Variants in ANKS6 observed in about 807,000 individuals in gnomAD.
The protein encoded by ANKS6 is ankyrin repeat and SAM domain-containing protein 6.
A neutral mutation model predicts 77.9 loss-of-function variants in ANKS6; 47 were observed. That is an observed-to-expected ratio of 0.60 (90% CI 0.48 to 0.77). The LOEUF (loss-of-function observed/expected upper bound fraction) is 0.77, where lower values mean the gene tolerates loss of function less well. ANKS6 is among the 30% of genes least tolerant of loss of function. The probability of loss-of-function intolerance (pLI) is 0.00; values close to 1 mark genes in which losing one functional copy is unlikely to be tolerated. For missense variants in ANKS6, 1,150 were observed against 1,159.1 expected, an observed-to-expected ratio of 0.99 and a Z score of 0.11; for synonymous variants, 488 against 501.7, an observed-to-expected ratio of 0.97 and a Z score of 0.37.
At chr9:98,783,873 G>C (rs1834411929) in intron 4 of ANKS6, 80 bp downstream of exon 4, 2 of 1,288,338 alleles carry the variant, frequency 1.6e-6, no homozygotes, top group Middle Eastern at 3.0e-4. Flanking sequence ...CTCAGGACCA[G>C]AAGAGCCCAT....
chr9:98,767,253 C>A (rs979793082), intron 11 of ANKS6, among the ~76,000 whole-genome samples: 1 of 152,190 alleles, frequency 6.6e-6, no homozygotes, highest in African/African-American at 2.4e-5. Flanking sequence ...CTGCTCATGT[C>A]CTTCCTTCAG....
At chr9:98,795,545 C>A (rs1309479526) in intron 1 of ANKS6, among the ~76,000 whole-genome samples, 5 of 152,214 alleles carry the variant, frequency 3.3e-5, no homozygotes, top group African/African-American at 1.2e-4. Context: ...AGCTCGTGCA[C>A]CCAAGCCTTT....
Position 98,791,567 on chromosome 9 carries a change from T to G in ANKS6, c.360-961A>C, listed in dbSNP as rs375096106. On this transcript the variant is annotated intron_variant, in intron 1 of 14. Coordinates refer to ENST00000353234, the MANE Select transcript of ANKS6 (RefSeq NM_173551.5). The surrounding 1 kb of genome is among the most constrained non-coding windows in gnomAD (Gnocchi z 4.3). ...GTGGTGTCTCTGGTGGGCTCGGAGC[T>G]GTGTATCTCCAAGCTGGAAGCGGCC... Among the ~76,000 whole-genome samples the G allele has an allele frequency of 6.6e-6, 1 of 152,096 alleles. No individual in the cohort carries two copies. Among genetic ancestry groups the G allele is most frequent in the Non-Finnish European group, 1.5e-5 (1 of 68,002 alleles).
rs980440912 is a variant in ANKS6 at position 98,796,138 on chromosome 9, C to T, written c.354G>A (p.Ala118=). 40 of 1,378,958 alleles carry T rather than the reference C, an allele frequency of 2.9e-5. No individual in the cohort carries two copies. In the African/African-American group the frequency reaches 3.6e-4, roughly 12 times the overall value. The allele number at this position is 1,378,958 out of a possible 1,614,324, so 85.4% of individuals were successfully genotyped here. A position where few individuals can be genotyped will look rare whatever the true frequency, so the allele number is the denominator to read the frequency against. Residue 118 remains alanine, a synonymous_variant, in exon 1 of 15, where the codon GCG becomes GCA. Coordinates refer to ENST00000353234, the MANE Select transcript of ANKS6 (RefSeq NM_173551.5). ...CCCGGGCCCCGCCGCCTCACCTGGC[C>T]GCCTGCATGAGCGCGCTCCAGCCGT... ...NHYGWSALMQ[A]ARFGHVSVAH... is the part of the protein sequence containing the mutation.
chr9:98,751,066 G>A lies in ANKS6; in HGVS notation c.2357C>T (p.Ser786Leu). ...DELTGILKKL[S>L]LEKYQPIFEE... ...AAAAATGGGCTGATATTTCTCAAGTGATAATTTCTTAAGGATTCCAGTCAG... is the reference window on the plus strand; with the variant it reads ...AAAAATGGGCTGATATTTCTCAAGTAATAATTTCTTAAGGATTCCAGTCAG... Residue 786 changes from serine (S) to leucine (L), a missense_variant, in exon 13 of 15, where the codon TCA becomes TTA. Physicochemically the swap from Ser to Leu is moderately radical, Grantham distance 145. Coordinates refer to ENST00000353234, the MANE Select transcript of ANKS6 (RefSeq NM_173551.5). 3.7e-6 allele frequency: 6 copies of A among 1,610,246 alleles called. No homozygotes were observed. The highest frequency in any genetic ancestry group is 5.1e-6 in the Non-Finnish European group (6 of 1,178,518).
intron 1 of ANKS6, among the ~76,000 whole-genome samples, chr9:98,793,159 G>C (rs1834994357): frequency 6.6e-6 from 1 of 152,196 alleles, no homozygotes; most frequent in Non-Finnish European, 1.5e-5. Flanking sequence ...GGAAATGAAG[G>C]GTAGGGAAGG....
At chr9:98,748,791 C>T (rs1406678005) in intron 13 of ANKS6, among the ~76,000 whole-genome samples, 2 of 152,292 alleles carry the variant, frequency 1.3e-5, no homozygotes, top group Middle Eastern at 3.4e-3. Flanking sequence ...TTTTCAAATA[C>T]ACATAGTTAA....
intron 14 of ANKS6, among the ~76,000 whole-genome samples, chr9:98,740,052 AT>A (rs2131923027): frequency 6.6e-6 from 1 of 152,274 alleles, no homozygotes; most frequent in Non-Finnish European, 1.5e-5. Flanking sequence ...ATTAATAAAT[AT>A]GGTCAAAATG....
intron 11 of ANKS6, among the ~76,000 whole-genome samples, chr9:98,760,717 G>C (rs548394589): frequency 5.3e-5 from 8 of 152,156 alleles, no homozygotes; most frequent in African/African-American, 1.4e-4. Context: ...GCAATCGCAC[G>C]TATCAATAGT....
intron 11 of ANKS6, among the ~76,000 whole-genome samples, chr9:98,761,135 T>A (rs946694912): frequency 1.3e-5 from 2 of 152,272 alleles, no homozygotes; most frequent in South Asian, 2.1e-4. Context: ...TAGTACCTAA[T>A]GGTTAAACAT....
intron 5 of ANKS6, 68 bp from the exon 6 acceptor site, chr9:98,780,405 A>G: frequency 1.3e-6 from 2 of 1,494,308 alleles, no homozygotes; most frequent in African/African-American, 1.4e-5. Context: ...AAGACTCAAG[A>G]TGACCCCTGT....
At chr9:98,749,952 T>C (rs1432568715) in intron 13 of ANKS6, among the ~76,000 whole-genome samples, 2 of 152,224 alleles carry the variant, frequency 1.3e-5, no homozygotes, top group Non-Finnish European at 2.9e-5. Flanking sequence ...CCCTGGAGGC[T>C]GGTGGGCCTG....
intron 14 of ANKS6, among the ~76,000 whole-genome samples, chr9:98,745,179 C>T (rs574668452): frequency 1.3e-5 from 2 of 152,274 alleles, no homozygotes; most frequent in South Asian, 4.1e-4. Flanking sequence ...ACCATCATCC[C>T]CACCCTACAG....
At chr9:98,775,340 T>TA (rs1299530113) in intron 8 of ANKS6, among the ~76,000 whole-genome samples, 1 of 152,184 alleles carries the variant, frequency 6.6e-6, no homozygotes, top group African/African-American at 2.4e-5. Flanking sequence ...TCTGAGCTGT[T>TA]AAAATAACAA....
chr9:98,789,928 C>T (rs551541301), intron 2 of ANKS6, 176 bp downstream of exon 2: 3 of 955,744 alleles, frequency 3.1e-6, no homozygotes, highest in Non-Finnish European at 4.4e-6. Flanking sequence ...GGGCCCAGAA[C>T]CTGCATGTCA....
chr9:98,774,949 C>G (rs769013705), intron 8 of ANKS6, among the ~76,000 whole-genome samples: 9 of 152,232 alleles, frequency 5.9e-5, no homozygotes, highest in Non-Finnish European at 1.2e-4. Flanking sequence ...AGCAGGGCAG[C>G]CGGGCCACCC....
In ANKS6 at chr9:98,790,227, T is replaced by C; in HGVS notation, c.739A>G (p.Lys247Glu). The change falls in exon 2 of 15, where the codon AAG becomes GAG. Residue 247 changes from lysine to glutamate, a missense_variant. Physicochemically the swap from Lys to Glu is moderately conservative, Grantham distance 56 (BLOSUM62 1). Transcript: ENST00000353234. Reference sequence around the variant, plus strand: ...CTGAGGTGGTCAGGGTTGGCGCCCTTCTCCACCAGCTGCTGGGCCACTCCA... The same window carrying C: ...CTGAGGTGGTCAGGGTTGGCGCCCTCCTCCACCAGCTGCTGGGCCACTCCA... Reference protein sequence around the residue: ...RLGVAQQLVEKGANPDHLSVL... With the variant: ...RLGVAQQLVEEGANPDHLSVL... The C allele has an allele frequency of 6.2e-7, 1 of 1,607,058 alleles. No homozygotes were observed. The highest frequency in any genetic ancestry group is 8.5e-7 in the Non-Finnish European group (1 of 1,174,824).
intron 6 of ANKS6, among the ~76,000 whole-genome samples, chr9:98,779,144 C>A (rs1225457887): frequency 6.6e-6 from 1 of 152,228 alleles, no homozygotes; most frequent in East Asian, 1.9e-4. Flanking sequence ...GCTACCACCC[C>A]ATGCAGACTG....
chr9:98,758,317 CATCT>C (rs150080323), intron 11 of ANKS6, among the ~76,000 whole-genome samples: 5,682 of 125,446 alleles, frequency 0.045, 320 homozygotes, highest in East Asian at 0.27. Flanking sequence ...TGACATGCGC[CATCT>C]TTCTTTTTTT....
Sources: allele counts gnomAD v4.1 joint callset (sites outside exome capture counted in the v4.1 genomes callset), GRCh38; gene constraint gnomAD v4.1.1; non-coding constraint Gnocchi (gnomAD v3.1); transcripts MANE v1.5; gene names NCBI Gene and HGNC (gene_info 2026-07-23, HGNC 2026-07-21).